WDR45: variants seen among roughly 807,000 people sequenced by gnomAD.
WDR45 encodes the protein WD repeat domain 45, also known as WD repeat domain phosphoinositide-interacting protein 4.
In WDR45, 2 loss-of-function variants were observed where a neutral mutation model predicts 27.3. The observed-to-expected ratio is 0.07, with a 90% confidence interval of 0.03 to 0.23. The LOEUF (loss-of-function observed/expected upper bound fraction) is 0.23, where lower values mean the gene tolerates loss of function less well. WDR45 is among the 10% of genes least tolerant of loss of function. WDR45 has a pLI of 1.00. For synonymous variants in WDR45, 99 were observed against 119.2 expected (o/e 0.83, Z 1.11); for missense variants, 175 against 311.9 (o/e 0.56, Z 3.31).
chrX:49,097,911 G>A (rs1187623309), intron 2 of WDR45, among the ~76,000 whole-genome samples: 1 of 109,617 alleles, frequency 9.1e-6, no homozygotes, highest in Non-Finnish European at 1.9e-5. Context: ...ACCTGCCTTG[G>A]CCTCCCAAAG....
At chrX:49,095,759 C>CTT (rs1204267334) in intron 2 of WDR45, among the ~76,000 whole-genome samples, 2,340 of 26,065 alleles carry the variant, frequency 0.09, 114 homozygotes, top group East Asian at 0.11. Context: ...CGTGCCCGGC[C>CTT]TTTTTTTTTT....
intron 6 of WDR45, 192 bp from the exon 7 acceptor site, chrX:49,076,137 T>C: frequency 2.1e-6 from 1 of 469,095 alleles, no homozygotes; most frequent in Non-Finnish European, 3.7e-6. Context: ...AGCTGTGGAA[T>C]CTAGTAAGCT....
At chrX:49,097,953 C>T (rs1385250830) in intron 2 of WDR45, among the ~76,000 whole-genome samples, 3 of 109,208 alleles carry the variant, frequency 2.7e-5, no homozygotes, top group East Asian at 2.9e-4. Flanking sequence ...CCACTGTGCC[C>T]GGCCTATTTA....
At position 49,074,779 on chromosome X, in the gene WDR45, T is replaced by A; in HGVS notation, c.*24A>T. The stretch of plus-strand genomic sequence containing the variant: ...AGCTCTGCAGTTCTGCCACTGCAGG[T>A]CCCTAGCACAGCCCCCAGGGTCCTT... On this transcript the variant is annotated 3_prime_UTR_variant, in exon 11 of 11. Coordinates refer to ENST00000376372, the MANE Select transcript of WDR45 (RefSeq NM_001029896.2). 1 of 1,163,964 alleles carries A rather than the reference T, an allele frequency of 8.6e-7. No homozygotes were observed. Among genetic ancestry groups the A allele is most frequent in the Non-Finnish European group, 1.2e-6 (1 of 853,256 alleles).
intron 2 of WDR45, among the ~76,000 whole-genome samples, chrX:49,095,914 T>C (rs2065124082): frequency 9.3e-6 from 1 of 107,336 alleles, no homozygotes; most frequent in African/African-American, 3.4e-5. Flanking sequence ...AGGCGCCAGC[T>C]GCCAAGCCTG....
At chrX:49,076,969 G>A in intron 4 of WDR45, 1 of 401,652 alleles carries the variant, frequency 2.5e-6, no homozygotes, top group Non-Finnish European at 4.4e-6. Context: ...AGGAAACTGA[G>A]GTTCAAAGTG....
At chrX:49,080,888 A>ATTT (rs782319738), upstream of WDR45, among the ~76,000 whole-genome samples, 7 of 42,428 alleles carry the variant, frequency 1.6e-4, no homozygotes, top group Admixed American at 4.1e-4. Context: ...ACTGGAAGGA[A>ATTT]TTTTTTTTTT....
chrX:49,100,956 C>G (rs2065143760), intron 1 of WDR45: 1 of 112,637 alleles, frequency 8.9e-6, no homozygotes, highest in Admixed American at 9.4e-5. Context: ...AACCACGGTG[C>G]GCAGGCACAG....
At chrX:49,081,845 G>A (rs1282437339), upstream of WDR45, among the ~76,000 whole-genome samples, 8 of 105,372 alleles carry the variant, frequency 7.6e-5, no homozygotes, top group African/African-American at 1.7e-4. Flanking sequence ...TTAGCCGGGC[G>A]TGGTGGCGGG....
At chrX:49,080,790 G>A (rs2065063061), upstream of WDR45, among the ~76,000 whole-genome samples, 1 of 65,003 alleles carries the variant, frequency 1.5e-5, no homozygotes, top group Non-Finnish European at 3.0e-5. Context: ...GATAGTAAAA[G>A]GTATGAATGC....
intron 2 of WDR45, among the ~76,000 whole-genome samples, chrX:49,092,190 T>G: frequency 9.3e-6 from 1 of 107,208 alleles, no homozygotes; most frequent in African/African-American, 3.4e-5. Flanking sequence ...ATATTTTGTA[T>G]ACTTTGTTAT....
Position 49,075,476 on chromosome X carries a change from G to A in WDR45, c.726-11C>T. ...TGGCTGAAGTTAATGCTAGAAGACA[G>A]ATCAGCAGTGATGCCCACATGTCAT... On this transcript the variant is annotated splice_polypyrimidine_tract_variant and intron_variant, in intron 8 of 10. Transcript: ENST00000376372. 1 of 1,209,758 alleles carries A rather than the reference G, an allele frequency of 8.3e-7. No homozygotes were observed. The highest frequency in any genetic ancestry group is 1.8e-5 in the South Asian group (1 of 56,730).
At chrX:49,097,722 T>C (rs2065130973) in intron 2 of WDR45, among the ~76,000 whole-genome samples, 1 of 108,522 alleles carries the variant, frequency 9.2e-6, no homozygotes, top group Non-Finnish European at 1.9e-5. Flanking sequence ...AATGGCGCAA[T>C]CTCGGCTCAC....
upstream of WDR45, among the ~76,000 whole-genome samples, chrX:49,084,153 G>A (rs1164077780): frequency 4.0e-5 from 4 of 98,909 alleles, no homozygotes; most frequent in Non-Finnish European, 6.1e-5. Flanking sequence ...GGGTTCAAAC[G>A]ATTTGCCTGC....
intron 2 of WDR45, among the ~76,000 whole-genome samples, chrX:49,090,335 AAT>A (rs1256080459): frequency 1.8e-5 from 2 of 111,578 alleles, no homozygotes; most frequent in Admixed American, 9.6e-5. Flanking sequence ...AAGTGTTGGG[AAT>A]ACAGACATGG....
intron 2 of WDR45, among the ~76,000 whole-genome samples, chrX:49,088,049 G>C (rs1406383561): frequency 8.9e-6 from 1 of 112,236 alleles, no homozygotes; most frequent in African/African-American, 3.2e-5. Context: ...CTGACACACT[G>C]CTGGATATCT....
At chrX:49,100,718 G>A (rs1016083760) in intron 1 of WDR45, 4 of 113,076 alleles carry the variant, frequency 3.5e-5, no homozygotes, top group Non-Finnish European at 7.5e-5. Context: ...CTTCGCCAAA[G>A]GCCCTGACAC....
intron 4 of WDR45, 137 bp downstream of exon 4, chrX:49,077,506 T>C: frequency 1.8e-6 from 1 of 562,037 alleles, no homozygotes; most frequent in Non-Finnish European, 3.0e-6. Context: ...ATAAGATCCA[T>C]GACTTCCAAG....
chrX:49,092,077 G>A (rs1435453227), intron 2 of WDR45, among the ~76,000 whole-genome samples: 3 of 77,571 alleles, frequency 3.9e-5, no homozygotes, highest in Non-Finnish European at 6.6e-5. Context: ...GCGAGACCAC[G>A]CCATTGCACT....
Sources: allele counts gnomAD v4.1 joint callset (sites outside exome capture counted in the v4.1 genomes callset), GRCh38; gene constraint gnomAD v4.1.1; transcripts MANE v1.5; gene names NCBI Gene and HGNC (gene_info 2026-07-23, HGNC 2026-07-21).